Variants in CDH12 observed in about 807,000 individuals in gnomAD.
CDH12 encodes the protein cadherin-12.
CDH12 carries 41 observed loss-of-function variants against 74.1 expected under a neutral mutation model. The observed-to-expected ratio is 0.55, with a 90% CI of 0.43 to 0.72. The LOEUF (loss-of-function observed/expected upper bound fraction) is 0.72, where lower values mean the gene tolerates loss of function less well. CDH12 is among the 30% of genes least tolerant of loss of function. The pLI is 0.00. For synonymous variants in CDH12, 399 were observed against 355.0 expected, an observed-to-expected ratio of 1.12 and a Z score of -1.39; for missense variants, 945 against 977.2, an observed-to-expected ratio of 0.97 and a Z score of 0.44.
chr5:22,234,667 T>C (rs1357530193), intron 3 of CDH12, among the ~76,000 whole-genome samples: 1 of 151,874 alleles, frequency 6.6e-6, no homozygotes, highest in East Asian at 1.9e-4. Context: ...TCTATGTATA[T>C]ATCTTTATAT....
At chr5:22,522,593 C>T (rs1374514502) in intron 1 of CDH12, among the ~76,000 whole-genome samples, 1 of 152,180 alleles carries the variant, frequency 6.6e-6, no homozygotes, top group Admixed American at 6.5e-5. Flanking sequence ...CTTCCTTCTA[C>T]ACACTGAACA....
chr5:22,186,025 G>A (rs2150341720), intron 4 of CDH12, among the ~76,000 whole-genome samples: 1 of 152,270 alleles, frequency 6.6e-6, no homozygotes, highest in Middle Eastern at 3.4e-3. Context: ...TTGGTTCTAA[G>A]TACACCTGAC....
In CDH12 at chr5:21,760,543, T is replaced by C. The variant is rs1458383658; in HGVS notation, c.1633+15A>G. ...ATACATGATAAGAGGTAAATTTTTC[T>C]GTAGTTACACTTACTTCTGAAGTCA... On this transcript the variant is annotated intron_variant, in intron 13 of 14. Coordinates refer to ENST00000382254, the MANE Select transcript of CDH12 (RefSeq NM_004061.5). 1 of 1,278,684 alleles carries C rather than the reference T, an allele frequency of 7.8e-7. No homozygotes were observed. Among genetic ancestry groups the C allele is most frequent in the Non-Finnish European group, 1.1e-6 (1 of 879,436 alleles). The allele number at this position is 1,278,684 out of a possible 1,614,324, so 79.2% of individuals were successfully genotyped here.
At chr5:21,804,643 A>AAAAT (rs1554032478) in intron 9 of CDH12, among the ~76,000 whole-genome samples, 1 of 115,272 alleles carries the variant, frequency 8.7e-6, no homozygotes, top group African/African-American at 3.2e-5. Context: ...AGTGAATTAA[A>AAAAT]ACACACACAC....
intron 2 of CDH12, among the ~76,000 whole-genome samples, chr5:22,424,002 CAAA>C (rs1165781089): frequency 1.2e-3 from 37 of 31,208 alleles, no homozygotes; most frequent in African/African-American, 3.3e-3. Flanking sequence ...GACTCTGTCT[CAAA>C]AAAAAAAAAA....
At chr5:22,261,689 C>A (rs188026497) in intron 3 of CDH12, among the ~76,000 whole-genome samples, 2 of 151,580 alleles carry the variant, frequency 1.3e-5, no homozygotes, top group Non-Finnish European at 2.9e-5. Flanking sequence ...TAATAAACAT[C>A]ATTTGGCTGA....
At chr5:22,002,233 T>C (rs1196951530) in intron 5 of CDH12, among the ~76,000 whole-genome samples, 3 of 152,276 alleles carry the variant, frequency 2.0e-5, no homozygotes, top group Non-Finnish European at 1.5e-5. Context: ...ATGAATACTT[T>C]ATGCAAAGAA....
At chr5:22,234,503 C>T (rs1017776061) in intron 3 of CDH12, among the ~76,000 whole-genome samples, 2 of 152,062 alleles carry the variant, frequency 1.3e-5, no homozygotes, top group Admixed American at 1.3e-4. Flanking sequence ...TCTGAGGCCT[C>T]CCCAGCCATG....
intron 4 of CDH12, among the ~76,000 whole-genome samples, chr5:22,133,418 T>A (rs976411081): frequency 3.3e-5 from 5 of 152,134 alleles, no homozygotes; most frequent in African/African-American, 7.2e-5. Context: ...GTGGGAAAAT[T>A]TAGCACTTCT....
intron 4 of CDH12, among the ~76,000 whole-genome samples, chr5:22,191,370 C>G (rs2150346242): frequency 6.6e-6 from 1 of 152,182 alleles, no homozygotes; most frequent in East Asian, 1.9e-4. Context: ...CATTTCAGCT[C>G]ATAGATACAC....
chr5:21,859,386 C>T (rs1306155921), intron 6 of CDH12, among the ~76,000 whole-genome samples: 1 of 151,842 alleles, frequency 6.6e-6, no homozygotes, highest in Non-Finnish European at 1.5e-5. Flanking sequence ...CATGAAAACC[C>T]ACTCACTATC....
intron 1 of CDH12, among the ~76,000 whole-genome samples, chr5:22,712,486 C>T (rs1484417358): frequency 4.3e-5 from 1 of 23,062 alleles, no homozygotes; most frequent in Non-Finnish European, 1.8e-4. Flanking sequence ...ATAGATGTTC[C>T]TGGATCATTT....
chr5:22,819,427 C>G (rs2126470168), intron 1 of CDH12, among the ~76,000 whole-genome samples: 1 of 151,978 alleles, frequency 6.6e-6, no homozygotes, highest in African/African-American at 2.4e-5. Context: ...ATATATATTT[C>G]TACCTAAAGT....
intron 1 of CDH12, among the ~76,000 whole-genome samples, chr5:22,736,925 C>A (rs927452100): frequency 3.3e-5 from 5 of 151,846 alleles, no homozygotes; most frequent in African/African-American, 1.2e-4. Flanking sequence ...TAACCAGAAG[C>A]AATACTTTAT....
At chr5:22,572,268 C>A (rs1739577240) in intron 1 of CDH12, among the ~76,000 whole-genome samples, 2 of 152,114 alleles carry the variant, frequency 1.3e-5, no homozygotes, top group Middle Eastern at 3.4e-3. Flanking sequence ...TTAAATTTTC[C>A]TTAAAATTTA....
intron 6 of CDH12, among the ~76,000 whole-genome samples, chr5:21,914,173 G>C (rs1321178267): frequency 1.3e-5 from 2 of 152,152 alleles, no homozygotes; most frequent in Non-Finnish European, 2.9e-5. Flanking sequence ...ACTGAAAGGG[G>C]CTTTTGACGT....
intron 4 of CDH12, among the ~76,000 whole-genome samples, chr5:22,205,067 A>C (rs1751146207): frequency 6.6e-6 from 1 of 152,230 alleles, no homozygotes; most frequent in African/African-American, 2.4e-5. Flanking sequence ...TACTGAGTAA[A>C]TTCAATGGAC....
At chr5:21,881,818 G>C (rs1442028925) in intron 6 of CDH12, among the ~76,000 whole-genome samples, 1 of 152,114 alleles carries the variant, frequency 6.6e-6, no homozygotes, top group Non-Finnish European at 1.5e-5. Context: ...CCTAAGATCA[G>C]ATATGCATAA....
At chr5:22,532,718 T>A (rs1333414054) in intron 1 of CDH12, among the ~76,000 whole-genome samples, 4 of 151,956 alleles carry the variant, frequency 2.6e-5, no homozygotes, top group Non-Finnish European at 5.9e-5. Context: ...TAACATGGCA[T>A]GGCGAAAACC....
Sources: gnomAD v4.1 joint callset for allele counts (sites outside exome capture counted in the v4.1 genomes callset) on GRCh38, gnomAD v4.1.1 for gene constraint, MANE v1.5 for transcripts, NCBI Gene and HGNC (gene_info 2026-07-23, HGNC 2026-07-21) for gene names.